JAZF1: variants seen among roughly 807,000 people sequenced by gnomAD.
JAZF1 encodes JAZF zinc finger 1, also known as juxtaposed with another zinc finger protein 1.
In JAZF1, 8 loss-of-function variants were observed where a neutral mutation model predicts 26.4. The observed-to-expected ratio is 0.30, with a 90% CI of 0.18 to 0.55. The LOEUF (loss-of-function observed/expected upper bound fraction) is 0.55. JAZF1 is among the 20% of genes least tolerant of loss of function. The pLI is 0.94. For missense variants in JAZF1, 199 were observed against 322.0 expected, an observed-to-expected ratio of 0.62 and a Z score of 2.92; for synonymous variants, 126 against 122.3, an observed-to-expected ratio of 1.03 and a Z score of -0.20.
Position 28,180,793 on chromosome 7 carries a change from G to T in JAZF1, c.-216C>A. 2 of 275,866 alleles carry T rather than the reference G, an allele frequency of 7.2e-6. No homozygotes were observed. Among genetic ancestry groups the T allele is most frequent in the Non-Finnish European group, 1.3e-5 (2 of 150,828 alleles). 17.1% of individuals were successfully genotyped at this position (275,866 alleles called of 1,614,324 possible). On this transcript the variant is annotated 5_prime_UTR_variant, in exon 1 of 5. Coordinates refer to ENST00000283928, the MANE Select transcript of JAZF1 (RefSeq NM_175061.4). ...GAGGCAGAGGGGAGGCGGCGGCTGC[G>T]GCGGCGGCGTCGGGAGCGGCGGGGG... is the stretch of plus-strand genomic sequence containing the variant.
intron 2 of JAZF1, among the ~76,000 whole-genome samples, chr7:27,919,992 A>G (rs1784502925): frequency 6.6e-6 from 1 of 152,166 alleles, no homozygotes; most frequent in South Asian, 2.1e-4. Flanking sequence ...AATCCAAGCT[A>G]AAGGGACTCT....
chr7:28,040,575 T>C (rs975326574), intron 1 of JAZF1, among the ~76,000 whole-genome samples: 1 of 152,056 alleles, frequency 6.6e-6, no homozygotes, highest in African/African-American at 2.4e-5. Flanking sequence ...GAGGTGGGAA[T>C]GAGCCAGACA....
At chr7:27,842,666 T>G (rs2128331803) in intron 3 of JAZF1, 1 of 152,334 alleles carries the variant, frequency 6.6e-6, no homozygotes, top group African/African-American at 2.4e-5. Flanking sequence ...GGGTCTGTCC[T>G]GGAGCAAATC....
intron 1 of JAZF1, among the ~76,000 whole-genome samples, chr7:28,073,302 T>G (rs1308193189): frequency 1.3e-5 from 2 of 151,980 alleles, no homozygotes; most frequent in East Asian, 3.9e-4. Flanking sequence ...CACCCATCCA[T>G]GCTGTTGTTT....
intron 1 of JAZF1, among the ~76,000 whole-genome samples, chr7:28,010,938 T>A (rs1244561956): frequency 6.6e-6 from 1 of 152,250 alleles, no homozygotes; most frequent in Non-Finnish European, 1.5e-5. Flanking sequence ...TTTCTCTACA[T>A]GTAGCTGCTG....
intron 2 of JAZF1, among the ~76,000 whole-genome samples, chr7:27,956,618 C>G (rs1345303418): frequency 2.0e-5 from 3 of 152,094 alleles, no homozygotes; most frequent in Non-Finnish European, 4.4e-5. Context: ...CATAAAAGTG[C>G]CAGGGACTGC....
chr7:27,932,675 G>A (rs1247876897), intron 2 of JAZF1, among the ~76,000 whole-genome samples: 1 of 152,100 alleles, frequency 6.6e-6, no homozygotes, highest in Non-Finnish European at 1.5e-5. Flanking sequence ...AGTAAACCGA[G>A]ACTGAAGACA....
Position 28,180,148 on chromosome 7 carries a change from A to G in JAZF1, c.115+315T>C, listed in dbSNP as rs1583602724. On this transcript the variant is annotated intron_variant, in intron 1 of 4. Coordinates refer to ENST00000283928, the MANE Select transcript of JAZF1 (RefSeq NM_175061.4). ...CGCCGGCACTCGGCCCCGCCGCCGC[A>G]ACCCCGCCGCCCCGCCGCGGCGCTC... 8.1e-5 allele frequency among the ~76,000 whole-genome samples: 7 copies of G among 86,048 alleles called. No homozygotes were observed. The South Asian group carries it at 1.8e-3, about 22-fold the overall frequency. 56.5% of individuals were successfully genotyped at this position (86,048 alleles called of 152,430 possible).
intron 1 of JAZF1, among the ~76,000 whole-genome samples, chr7:28,103,025 G>A (rs781131193): frequency 2.0e-5 from 3 of 152,114 alleles, no homozygotes; most frequent in African/African-American, 4.8e-5. Flanking sequence ...CTCAGCTTAC[G>A]ACCGATTGAT....
chr7:28,125,272 A>G (rs1341855768), intron 1 of JAZF1, among the ~76,000 whole-genome samples: 1 of 152,018 alleles, frequency 6.6e-6, no homozygotes, highest in Non-Finnish European at 1.5e-5. Flanking sequence ...CCCCTAAAGC[A>G]TTTTTTAAAA....
chr7:27,959,613 T>G (rs530865650), intron 2 of JAZF1, among the ~76,000 whole-genome samples: 1 of 152,232 alleles, frequency 6.6e-6, no homozygotes, highest in African/African-American at 2.4e-5. Flanking sequence ...TAAAACTGAA[T>G]TAACAGCTGG....
chr7:27,943,451 TC>T (rs1406738567), intron 2 of JAZF1, among the ~76,000 whole-genome samples: 3 of 152,126 alleles, frequency 2.0e-5, no homozygotes, highest in Non-Finnish European at 4.4e-5. Context: ...CACAGACTGA[TC>T]CGGGGAGATG....
intron 1 of JAZF1, among the ~76,000 whole-genome samples, chr7:27,995,102 T>C (rs188264309): frequency 2.3e-4 from 35 of 152,364 alleles, no homozygotes; most frequent in African/African-American, 8.2e-4. Flanking sequence ...AAGAATTTCC[T>C]TATACCATGC....
At chr7:27,855,827 A>C (rs1783239151) in intron 3 of JAZF1, among the ~76,000 whole-genome samples, 1 of 152,202 alleles carries the variant, frequency 6.6e-6, no homozygotes. Flanking sequence ...GATTCCAAAC[A>C]ATAGAAAAAG....
At chr7:28,174,821 G>GGTGTGTGGGTGTGTGT (rs1554293531) in intron 1 of JAZF1, among the ~76,000 whole-genome samples, 1 of 107,690 alleles carries the variant, frequency 9.3e-6, no homozygotes, top group Non-Finnish European at 2.3e-5. Context: ...GGGGTGTGTG[G>GGTGTGTGGGTGTGTGT]GTGTGTGTGT....
At chr7:27,858,589 C>A (rs1783314676) in intron 3 of JAZF1, among the ~76,000 whole-genome samples, 1 of 152,118 alleles carries the variant, frequency 6.6e-6, no homozygotes, top group South Asian at 2.1e-4. Context: ...CATCTACAAC[C>A]ATCTGATCTT....
chr7:27,961,021 T>G (rs1583481896), intron 2 of JAZF1, among the ~76,000 whole-genome samples: 1 of 152,286 alleles, frequency 6.6e-6, no homozygotes, highest in Middle Eastern at 3.4e-3. Flanking sequence ...TTCATCAAAA[T>G]GGAAACACAG....
rs1393756542 is a variant in JAZF1, at chr7:27,906,523, A to T, written c.189-11107T>A. ...ATATTTTCTTCACAACTATGGAATG[A>T]TATAGTCAATCTACCTTAATGAAAG... On this transcript the variant is annotated intron_variant, in intron 2 of 4. Transcript: ENST00000283928. Among the ~76,000 whole-genome samples the T allele has an allele frequency of 2.6e-5, 4 of 152,222 alleles. No homozygotes were observed. In the East Asian group the frequency reaches 7.7e-4, roughly 29 times the overall value.
intron 1 of JAZF1, among the ~76,000 whole-genome samples, chr7:28,055,339 A>G (rs997958928): frequency 6.6e-6 from 1 of 152,034 alleles, no homozygotes; most frequent in Admixed American, 6.6e-5. Flanking sequence ...CACTGTCTAT[A>G]AACTCCCTGG....
Sources: allele counts gnomAD v4.1 joint callset (sites outside exome capture counted in the v4.1 genomes callset), GRCh38; gene constraint gnomAD v4.1.1; transcripts MANE v1.5; gene names NCBI Gene and HGNC (gene_info 2026-07-23, HGNC 2026-07-21).